TRPM3: variants seen among roughly 807,000 people sequenced by gnomAD.
TRPM3 encodes the protein long transient receptor potential channel 3.
Under a neutral mutation model 181.2 loss-of-function variants are expected in TRPM3, and 77 were observed. The ratio of observed to expected loss-of-function variants is 0.42; its 90% CI spans 0.35 to 0.51. TRPM3 has a LOEUF of 0.51. Ranked by LOEUF, TRPM3 falls within the 20% of genes least tolerant of loss-of-function variation. The probability of loss-of-function intolerance (pLI) is 0.01; values close to 1 mark genes in which losing one functional copy is unlikely to be tolerated. For missense variants in TRPM3, 1,759 were observed against 2,196.7 expected (o/e 0.80, Z 3.98); for synonymous variants, 745 against 796.4 (o/e 0.94, Z 1.09).
chr9:71,133,816 T>C (rs2074535756), intron 1 of TRPM3, among the ~76,000 whole-genome samples: 1 of 152,220 alleles, frequency 6.6e-6, no homozygotes, highest in African/African-American at 2.4e-5. Context: ...GATGTTATGC[T>C]GAAGAAAGGT....
chr9:70,890,312 CAA>C (rs1206113448), intron 1 of TRPM3, among the ~76,000 whole-genome samples: 3 of 151,594 alleles, frequency 2.0e-5, no homozygotes, highest in Admixed American at 2.0e-4. Context: ...CAAAACAGAA[CAA>C]AGAGAAAACA....
chr9:70,943,620 G>A lies in TRPM3; in HGVS notation c.178-79109C>T, dbSNP rs141747202. 3.9e-5 allele frequency among the ~76,000 whole-genome samples: 6 copies of A among 152,254 alleles called. No homozygotes were observed. The South Asian group carries it at 8.3e-4, about 21-fold the overall frequency. On this transcript the variant is annotated intron_variant, in intron 1 of 25. Coordinates refer to ENST00000677713, the MANE Select transcript of TRPM3 (RefSeq NM_001366145.2). ...ACATAGGTCACAGTTATTAAGCCAT[G>A]CTCTCAAATTTAGCCATTCTCTCAC...
chr9:71,355,655 C>T (rs1449525317), intron 1 of TRPM3, among the ~76,000 whole-genome samples: 1 of 152,104 alleles, frequency 6.6e-6, no homozygotes, highest in Non-Finnish European at 1.5e-5. Context: ...CTATTTCTCT[C>T]CAACAAGGTA....
At chr9:70,968,439 A>G (rs190349902) in intron 1 of TRPM3, among the ~76,000 whole-genome samples, 12 of 152,100 alleles carry the variant, frequency 7.9e-5, no homozygotes, top group Non-Finnish European at 1.5e-4. Context: ...GCAGATTCTC[A>G]GTTCATATCT....
chr9:71,183,635 G>T (rs773370089), intron 1 of TRPM3, among the ~76,000 whole-genome samples: 4 of 151,768 alleles, frequency 2.6e-5, no homozygotes, highest in Non-Finnish European at 4.4e-5. Flanking sequence ...ATTTATTTAG[G>T]CTACTTTTAT....
At chr9:70,811,067 T>C (rs1588681378) in intron 6 of TRPM3, 4 of 868,944 alleles carry the variant, frequency 4.6e-6, no homozygotes, top group South Asian at 3.2e-5. Context: ...ACAACAGTCA[T>C]AGGGAGTGAT....
intron 1 of TRPM3, among the ~76,000 whole-genome samples, chr9:71,140,498 A>T (rs1393485559): frequency 2.0e-5 from 3 of 152,142 alleles, no homozygotes; most frequent in Non-Finnish European, 4.4e-5. Context: ...CCCCATCTTC[A>T]ATATGACATC....
chr9:70,805,534 GAAAAAAAAAA>G (rs534322844), intron 6 of TRPM3, among the ~76,000 whole-genome samples: 3,305 of 82,786 alleles, frequency 0.04, 62 homozygotes, highest in Middle Eastern at 0.078. Flanking sequence ...ACTCCATCTC[GAAAAAAAAAA>G]AAAAAAAAAA....
At chr9:71,108,168 T>C (rs1188604549) in intron 1 of TRPM3, among the ~76,000 whole-genome samples, 3 of 152,236 alleles carry the variant, frequency 2.0e-5, no homozygotes, top group African/African-American at 4.8e-5. Context: ...ACTGTCTTTA[T>C]AGTATACCTA....
chr9:71,010,646 G>GA (rs1413794234), intron 1 of TRPM3, among the ~76,000 whole-genome samples: 1 of 151,946 alleles, frequency 6.6e-6, no homozygotes, highest in African/African-American at 2.4e-5. Flanking sequence ...GGGAGAATGT[G>GA]AAAAAAGAGG....
chr9:70,550,153 C>T (rs1490340175), intron 24 of TRPM3, among the ~76,000 whole-genome samples: 1 of 152,178 alleles, frequency 6.6e-6, no homozygotes, highest in East Asian at 1.9e-4. Context: ...TTGAAGCTAG[C>T]AGCAACCACG....
intron 6 of TRPM3, among the ~76,000 whole-genome samples, chr9:70,788,657 T>A (rs932179181): frequency 2.6e-5 from 4 of 152,168 alleles, no homozygotes; most frequent in Non-Finnish European, 5.9e-5. Context: ...TACATTGTAA[T>A]ATATAATAAA....
chr9:71,374,317 T>A (rs2092608631), intron 1 of TRPM3, among the ~76,000 whole-genome samples: 1 of 152,070 alleles, frequency 6.6e-6, no homozygotes, highest in Admixed American at 6.5e-5. Context: ...GAGGCTGCAG[T>A]GAGCCAAGAT....
intron 1 of TRPM3, among the ~76,000 whole-genome samples, chr9:70,875,223 T>G (rs1183386567): frequency 2.0e-5 from 3 of 152,010 alleles, no homozygotes; most frequent in East Asian, 1.9e-4. Context: ...TGACTTAATT[T>G]TGGTGATCTT....
intron 1 of TRPM3, among the ~76,000 whole-genome samples, chr9:71,222,702 C>G (rs1055369707): frequency 1.7e-4 from 26 of 152,166 alleles, no homozygotes; most frequent in Non-Finnish European, 8.8e-5. Context: ...CCATCACTCC[C>G]CCATCCCCCA....
rs151177609 is a variant in TRPM3, at chr9:70,653,115, G to A, written c.1346-12455C>T. Among the ~76,000 whole-genome samples the A allele has an allele frequency of 5.9e-5, 9 of 152,294 alleles. No homozygotes were observed. In the East Asian group the frequency reaches 1.5e-3, roughly 26 times the overall value. On this transcript the variant is annotated intron_variant, in intron 9 of 25. Transcript: ENST00000677713. ...TGTACATGATGGATGAGATCCTAGA[G>A]AATGGAGGCCAGGGAGGATTTGGGT... is the stretch of plus-strand genomic sequence containing the variant.
chr9:71,313,229 G>C (rs1320267693), intron 1 of TRPM3, among the ~76,000 whole-genome samples: 1 of 152,004 alleles, frequency 6.6e-6, no homozygotes, highest in East Asian at 1.9e-4. Context: ...GTTTAAAAAG[G>C]AGTCTATTAA....
chr9:71,207,354 T>C (rs962331460), intron 1 of TRPM3, among the ~76,000 whole-genome samples: 3 of 152,144 alleles, frequency 2.0e-5, no homozygotes, highest in African/African-American at 7.2e-5. Context: ...TTTCTCACTG[T>C]AATTCCTAGT....
At chr9:71,396,116 C>A (rs867723907) in intron 1 of TRPM3, among the ~76,000 whole-genome samples, 3 of 152,256 alleles carry the variant, frequency 2.0e-5, no homozygotes, top group Middle Eastern at 6.8e-3. Flanking sequence ...CAAATTCAAG[C>A]AGGCAAGTGA....
Sources: allele counts gnomAD v4.1 joint callset (sites outside exome capture counted in the v4.1 genomes callset), GRCh38; gene constraint gnomAD v4.1.1; transcripts MANE v1.5; gene names NCBI Gene and HGNC (gene_info 2026-07-23, HGNC 2026-07-21).